Variants in DMD observed in about 807,000 individuals in gnomAD.
The protein encoded by DMD is dystrophin.
A neutral mutation model predicts 330.1 loss-of-function variants in DMD; 63 were observed. That is an observed-to-expected ratio of 0.19 (90% confidence interval 0.16 to 0.24). The LOEUF (loss-of-function observed/expected upper bound fraction) is 0.24, where lower values mean the gene tolerates loss of function less well. DMD is among the 10% of genes least tolerant of loss of function. DMD has a pLI of 1.00. For synonymous variants in DMD, 1,223 were observed against 959.8 expected (o/e 1.27, Z -5.07); for missense variants, 3,344 against 2,684.1 (o/e 1.25, Z -5.43).
At chrX:32,683,944 A>G (rs949125994) in intron 9 of DMD, among the ~76,000 whole-genome samples, 3 of 109,059 alleles carry the variant, frequency 2.8e-5, no homozygotes, top group African/African-American at 1.0e-4. Context: ...TAAATTTCCA[A>G]TGAAAAAAAT....
intron 1 of DMD, among the ~76,000 whole-genome samples, chrX:33,291,491 T>C (rs770203383): frequency 9.0e-6 from 1 of 111,664 alleles, no homozygotes; most frequent in East Asian, 2.8e-4. Context: ...CTGCCATTTA[T>C]CCCCATGTAA....
chrX:32,771,999 T>A (rs1346872635), intron 7 of DMD, among the ~76,000 whole-genome samples: 1 of 112,025 alleles, frequency 8.9e-6, no homozygotes, highest in Non-Finnish European at 1.9e-5. Context: ...CATAGCCAAT[T>A]CAAGGAGTAA....
chrX:33,253,690 G>A (rs1329315484), intron 1 of DMD, among the ~76,000 whole-genome samples: 1 of 110,967 alleles, frequency 9.0e-6, no homozygotes, highest in Admixed American at 9.6e-5. Flanking sequence ...ACAAAATTCT[G>A]ATGGCCTCTC....
intron 52 of DMD, among the ~76,000 whole-genome samples, chrX:31,693,761 C>A (rs763353469): frequency 2.7e-5 from 3 of 111,065 alleles, no homozygotes; most frequent in Non-Finnish European, 5.7e-5. Flanking sequence ...AAGACACTGA[C>A]GAAAGAAATT....
chrX:32,472,104 T>C, intron 22 of DMD, 60 bp downstream of exon 22: 1 of 1,156,958 alleles, frequency 8.6e-7, no homozygotes. Context: ...TTAAAGGTTA[T>C]ATCAATGTGA....
At chrX:32,175,832 G>GT (rs1388733161) in intron 44 of DMD, among the ~76,000 whole-genome samples, 1 of 111,633 alleles carries the variant, frequency 9.0e-6, no homozygotes, top group Non-Finnish European at 1.9e-5. Context: ...AACAAAAAAA[G>GT]TTTTTGTGAC....
At chrX:32,345,339 C>T in intron 39 of DMD, among the ~76,000 whole-genome samples, 1 of 111,485 alleles carries the variant, frequency 9.0e-6, no homozygotes, top group African/African-American at 3.3e-5. Flanking sequence ...CACCTGGGGA[C>T]TTGAAGCCAT....
intron 11 of DMD, among the ~76,000 whole-genome samples, chrX:32,629,813 A>T (rs1206032485): frequency 1.8e-5 from 2 of 109,847 alleles, no homozygotes; most frequent in Admixed American, 9.7e-5. Context: ...AAAAAAAAAA[A>T]TGCTACACTT....
intron 7 of DMD, among the ~76,000 whole-genome samples, chrX:32,737,633 G>C (rs1184213252): frequency 8.9e-6 from 1 of 111,989 alleles, no homozygotes; most frequent in East Asian, 2.8e-4. Flanking sequence ...GTGGCAGAAA[G>C]ATAATACTGC....
chrX:31,669,389 G>A (rs1246534174), intron 53 of DMD, among the ~76,000 whole-genome samples: 2 of 111,887 alleles, frequency 1.8e-5, no homozygotes, highest in African/African-American at 6.5e-5. Context: ...TCACAAACCC[G>A]TTAGCTATTT....
intron 4 of DMD, among the ~76,000 whole-genome samples, chrX:32,839,627 C>G (rs1357712303): frequency 8.9e-6 from 1 of 112,394 alleles, no homozygotes; most frequent in Non-Finnish European, 1.9e-5. Flanking sequence ...CCTGCTTGAG[C>G]ATTTTGATTT....
intron 60 of DMD, among the ~76,000 whole-genome samples, chrX:31,355,175 TCTTTAA>T (rs1471346326): frequency 8.9e-6 from 1 of 112,463 alleles, no homozygotes; most frequent in African/African-American, 3.2e-5. Flanking sequence ...AAATGTTGGT[TCTTTAA>T]CTTTGTTTTA....
intron 1 of DMD, among the ~76,000 whole-genome samples, chrX:33,082,132 G>GA (rs1273677249): frequency 2.7e-5 from 3 of 110,928 alleles, no homozygotes; most frequent in Non-Finnish European, 5.7e-5. Context: ...CGGCTGAGAA[G>GA]AAAAAACTTT....
At chrX:32,936,222 C>A (rs774656592) in intron 2 of DMD, among the ~76,000 whole-genome samples, 146 of 109,946 alleles carry the variant, frequency 1.3e-3, no homozygotes, top group Admixed American at 4.4e-3. Context: ...AGAGATTCTC[C>A]TGCCTCAGAC....
At chrX:31,503,234 A>C (rs1256369456) in intron 56 of DMD, among the ~76,000 whole-genome samples, 13 of 112,370 alleles carry the variant, frequency 1.2e-4, no homozygotes, top group Non-Finnish European at 9.4e-5. Context: ...AAGGTAGAAA[A>C]ATTAAACAAT....
At chrX:31,251,037 GCAC>G (rs1429562912) in intron 63 of DMD, among the ~76,000 whole-genome samples, 5 of 108,752 alleles carry the variant, frequency 4.6e-5, no homozygotes, top group African/African-American at 1.7e-4. Flanking sequence ...AGCTAAAATC[GCAC>G]CACTGCACTC....
chrX:32,720,135 A>G (rs752423978), intron 7 of DMD, among the ~76,000 whole-genome samples: 2 of 111,431 alleles, frequency 1.8e-5, no homozygotes, highest in African/African-American at 3.3e-5. Context: ...CACTCGTAAC[A>G]CCTATTATAC....
At chrX:31,318,590 G>C (rs192696939) in intron 62 of DMD, among the ~76,000 whole-genome samples, 484 of 112,370 alleles carry the variant, frequency 4.3e-3, no homozygotes, top group Non-Finnish European at 7.4e-3. Context: ...AGAGTGAAGA[G>C]AAGGGTCGAT....
intron 2 of DMD, among the ~76,000 whole-genome samples, chrX:32,950,573 T>C (rs967133698): frequency 9.0e-6 from 1 of 111,230 alleles, no homozygotes; most frequent in Non-Finnish European, 1.9e-5. Context: ...AGGCAAATAT[T>C]ATCAGCCTTC....
Sources: gnomAD v4.1 joint callset for allele counts (sites outside exome capture counted in the v4.1 genomes callset) on GRCh38, gnomAD v4.1.1 for gene constraint, MANE v1.5 for transcripts, NCBI Gene and HGNC (gene_info 2026-07-23, HGNC 2026-07-21) for gene names.